Variants in TJP1 observed in about 807,000 individuals in gnomAD.
TJP1 encodes tight junction protein ZO-1.
In TJP1, 43 loss-of-function variants were observed where a neutral mutation model predicts 194.2. The ratio of observed to expected loss-of-function variants is 0.22; its 90% CI spans 0.17 to 0.29. The LOEUF (loss-of-function observed/expected upper bound fraction) is 0.29. Ranked by LOEUF, TJP1 falls within the 10% of genes least tolerant of loss-of-function variation. The pLI is 1.00. For synonymous variants in TJP1, 801 were observed against 779.0 expected, an observed-to-expected ratio of 1.03 and a Z score of -0.47; for missense variants, 1,971 against 2,185.7, an observed-to-expected ratio of 0.90 and a Z score of 1.96.
At chr15:29,713,426 C>T (rs2042362645) in intron 23 of TJP1, among the ~76,000 whole-genome samples, 1 of 152,210 alleles carries the variant, frequency 6.6e-6, no homozygotes, top group South Asian at 2.1e-4. Context: ...TGCTTGCTTC[C>T]TGGGGCATCT....
At chr15:29,824,049 C>T (rs2050585335), upstream of TJP1, 1 of 125,530 alleles carries the variant, frequency 8.0e-6, no homozygotes, top group South Asian at 2.7e-4. Context: ...TGCCACTGTA[C>T]TCCAGCCTGG....
chr15:29,906,666 G>A lies in TJP1; in HGVS notation c.306+49566C>T, dbSNP rs563149556. Among the ~76,000 whole-genome samples, 9 of 151,540 alleles carry A rather than the reference G, an allele frequency of 5.9e-5. No homozygotes were observed. In the South Asian group the frequency reaches 1.3e-3, roughly 21 times the overall value. The stretch of plus-strand genomic sequence containing the variant: ...GCAATCTCAGCTCACTCCAACCTCC[G>A]CCTCCTGGGTTCAAGCGATTTTCGT... On this transcript the variant is annotated intron_variant, in intron 2 of 28. Transcript: ENST00000356107.
rs2041849713 is a variant in TJP1, at chr15:29,705,663, C to T, written c.4933G>A (p.Gly1645Ser). The T allele has an allele frequency of 1.9e-6, 3 of 1,614,028 alleles. No homozygotes were observed. The highest frequency in any genetic ancestry group is 2.5e-6 in the Non-Finnish European group (3 of 1,180,036). The change falls in exon 26 of 28, where the codon GGC (glycine) becomes AGC (serine). Residue 1645 changes from glycine to serine, a missense_variant. Physicochemically the swap from Gly to Ser is moderately conservative, Grantham distance 56 (BLOSUM62 0). Transcript: ENST00000614355. ...CCAGTTTCTATGGAACTCAGCACGC[C>T]CCCATTGCTGTTAAATATGCCTCGG... ...TARGIFNSNG[G>S]VLSSIETGVS...
intron 2 of TJP1, among the ~76,000 whole-genome samples, chr15:29,799,360 T>G (rs1477259914): frequency 6.6e-6 from 1 of 152,100 alleles, no homozygotes; most frequent in Non-Finnish European, 1.5e-5. Flanking sequence ...AATGATTTCC[T>G]TCACCATTTA....
At chr15:29,968,569 G>C (rs1330032945) in intron 1 of TJP1, 2 of 817,710 alleles carry the variant, frequency 2.4e-6, no homozygotes, top group South Asian at 5.5e-5. Flanking sequence ...CTCGCCCCCC[G>C]CCCGACCGCC....
chr15:29,716,464 C>G, intron 23 of TJP1, 147 bp downstream of exon 23: 1 of 621,226 alleles, frequency 1.6e-6, no homozygotes, highest in Non-Finnish European at 2.7e-6. Flanking sequence ...ACACACATCC[C>G]AGAACTAAAA....
chr15:29,835,931 G>T (rs1310548764), intron 2 of TJP1, among the ~76,000 whole-genome samples: 2 of 151,834 alleles, frequency 1.3e-5, no homozygotes, highest in African/African-American at 4.8e-5. Flanking sequence ...GAGAGAGAGA[G>T]GAGATAGATA....
intron 2 of TJP1, among the ~76,000 whole-genome samples, chr15:29,870,958 G>A (rs764616459): frequency 4.6e-5 from 7 of 152,216 alleles, no homozygotes; most frequent in Non-Finnish European, 1.0e-4. Flanking sequence ...CCAAGGTCAC[G>A]AGGGAACTGG....
chr15:29,901,423 G>A (rs1391078698), intron 2 of TJP1, among the ~76,000 whole-genome samples: 1 of 152,176 alleles, frequency 6.6e-6, no homozygotes, highest in African/African-American at 2.4e-5. Flanking sequence ...AGCTGCCTGA[G>A]GAGGCAAGTC....
rs200755614 is a variant in TJP1 at position 29,766,315 on chromosome 15, C to T, written c.540G>A (p.Gln180=). 37 of 1,614,210 alleles carry T rather than the reference C, an allele frequency of 2.3e-5. No homozygotes were observed. Among genetic ancestry groups the T allele is most frequent in the Non-Finnish European group, 3.1e-5 (36 of 1,180,030 alleles). Residue 180 remains glutamine (Q), a synonymous_variant, in exon 5 of 28, where the codon CAG becomes CAA. Transcript: ENST00000614355. ...GTGTGACTTTAGTAGGTTTAGCAGG[C>T]TGGCTGGAAGCCACTGACCGCCTGT... is the stretch of plus-strand genomic sequence containing the variant. ...RSDRRSVASS[Q]PAKPTKVTLV... is the part of the protein sequence containing the mutation.
At position 29,770,332 on chromosome 15, in the gene TJP1, C is replaced by G. The variant is rs371050183; in HGVS notation, c.312+1732G>C. The stretch of plus-strand genomic sequence containing the variant: ...GTAGCGGTCGCCTGTAATCCCAAGG[C>G]TGAAGCACGAGAATCACCTGGACCA... On this transcript the variant is annotated intron_variant, in intron 4 of 27. Coordinates refer to ENST00000614355, the MANE Select transcript of TJP1 (RefSeq NM_001330239.4). Among the ~76,000 whole-genome samples, 5 of 151,852 alleles carry G rather than the reference C, an allele frequency of 3.3e-5. No individual in the cohort carries two copies. The South Asian group carries it at 1.0e-3, about 32-fold the overall frequency.
chr15:29,771,309 G>A (rs2046657685), intron 4 of TJP1, among the ~76,000 whole-genome samples: 1 of 151,352 alleles, frequency 6.6e-6, no homozygotes, highest in African/African-American at 2.4e-5. Flanking sequence ...TTACAAGCCT[G>A]TACAGCATGT....
At chr15:29,952,724 C>G (rs1392663243) in intron 2 of TJP1, among the ~76,000 whole-genome samples, 1 of 152,136 alleles carries the variant, frequency 6.6e-6, no homozygotes, top group Non-Finnish European at 1.5e-5. Context: ...AGATTATTAA[C>G]TAAGTCTAAG....
intron 2 of TJP1, among the ~76,000 whole-genome samples, chr15:29,780,077 C>T (rs2047265101): frequency 1.3e-5 from 2 of 151,826 alleles, no homozygotes; most frequent in Non-Finnish European, 2.9e-5. Context: ...CAGTCCTCAA[C>T]CTCTTTGGCA....
intron 10 of TJP1, among the ~76,000 whole-genome samples, 169 bp from the exon 11 acceptor site, chr15:29,737,583 C>T (rs763866363): frequency 1.3e-5 from 2 of 152,148 alleles, no homozygotes; most frequent in African/African-American, 2.4e-5. Context: ...TCAAATCAGA[C>T]TTAATAACAC....
At chr15:29,842,009 G>A (rs750024760) in intron 2 of TJP1, among the ~76,000 whole-genome samples, 1 of 152,128 alleles carries the variant, frequency 6.6e-6, no homozygotes, top group Non-Finnish European at 1.5e-5. Context: ...GCTGGTAAAC[G>A]CTGACGGGGA....
intron 24 of TJP1, among the ~76,000 whole-genome samples, chr15:29,709,414 A>T (rs1335171097): frequency 6.6e-6 from 1 of 152,236 alleles, no homozygotes; most frequent in Non-Finnish European, 1.5e-5. Flanking sequence ...ACCCACTAGA[A>T]TGGAAAAACC....
At chr15:29,915,033 T>G (rs1339351173) in intron 2 of TJP1, among the ~76,000 whole-genome samples, 1 of 152,124 alleles carries the variant, frequency 6.6e-6, no homozygotes, top group Non-Finnish European at 1.5e-5. Flanking sequence ...ACTCTGGAAA[T>G]GCATGATGGA....
At chr15:29,944,117 G>A (rs889330603) in intron 2 of TJP1, among the ~76,000 whole-genome samples, 3 of 150,134 alleles carry the variant, frequency 2.0e-5, no homozygotes, top group Non-Finnish European at 2.9e-5. Context: ...TTTTGAGACA[G>A]AGTCTTGCTC....
Sources: allele counts gnomAD v4.1 joint callset (sites outside exome capture counted in the v4.1 genomes callset), GRCh38; gene constraint gnomAD v4.1.1; transcripts MANE v1.5; gene names NCBI Gene and HGNC (gene_info 2026-07-23, HGNC 2026-07-21).